Variants in PAM observed in about 807,000 individuals in gnomAD.
PAM encodes the protein peptidyl-glycine alpha-amidating monooxygenase.
In PAM, 72 loss-of-function variants were observed where a neutral mutation model predicts 122.1. That is an observed-to-expected ratio of 0.59 (90% CI 0.49 to 0.72). The LOEUF (loss-of-function observed/expected upper bound fraction) is 0.72, where lower values mean the gene tolerates loss of function less well. PAM is among the 30% of genes least tolerant of loss of function. The probability of loss-of-function intolerance (pLI) is 0.00; values close to 1 mark genes in which losing one functional copy is unlikely to be tolerated. For synonymous variants in PAM, 389 were observed against 404.4 expected (o/e 0.96, Z 0.46); for missense variants, 1,106 against 1,183.7 (o/e 0.93, Z 0.96).
chr5:102,850,111 C>T (rs935820145), intron 1 of PAM, among the ~76,000 whole-genome samples: 5 of 151,982 alleles, frequency 3.3e-5, no homozygotes, highest in African/African-American at 9.7e-5. Context: ...TCCTTGTTCC[C>T]ATTCATTCAC....
At chr5:102,880,260 A>C (rs1790538731) in intron 3 of PAM, among the ~76,000 whole-genome samples, 1 of 152,060 alleles carries the variant, frequency 6.6e-6, no homozygotes, top group Non-Finnish European at 1.5e-5. Flanking sequence ...CAGCCTGGGC[A>C]ACTGAGTGAG....
At chr5:102,942,907 T>C (rs1351992821) in intron 7 of PAM, among the ~76,000 whole-genome samples, 4 of 152,082 alleles carry the variant, frequency 2.6e-5, no homozygotes, top group South Asian at 2.1e-4. Context: ...TCTTTTTGTT[T>C]TTCCTAAGAC....
intron 16 of PAM, among the ~76,000 whole-genome samples, chr5:102,993,765 T>C (rs1774862434): frequency 6.6e-6 from 1 of 152,124 alleles, no homozygotes; most frequent in Non-Finnish European, 1.5e-5. Context: ...TCCTCTCCAT[T>C]TGCAGGTTCA....
chr5:102,925,315 G>A (rs2151724173), intron 6 of PAM, among the ~76,000 whole-genome samples: 1 of 152,278 alleles, frequency 6.6e-6, no homozygotes, highest in South Asian at 2.1e-4. Context: ...TTGACCTAAG[G>A]CACATTGGTT....
chr5:102,766,889 A>C (rs1231016380), intron 1 of PAM, among the ~76,000 whole-genome samples: 3 of 63,266 alleles, frequency 4.7e-5, no homozygotes, highest in Non-Finnish European at 9.9e-5. Context: ...TTTTATGTGG[A>C]CTTTTTGTGT....
intron 1 of PAM, among the ~76,000 whole-genome samples, chr5:102,765,996 A>G (rs1467905874): frequency 2.0e-5 from 3 of 152,142 alleles, no homozygotes; most frequent in East Asian, 3.9e-4. Context: ...CTCAACCCAT[A>G]TCGGCATGAT....
intron 1 of PAM, among the ~76,000 whole-genome samples, chr5:102,759,813 T>C (rs1751793688): frequency 6.6e-6 from 1 of 152,168 alleles, no homozygotes; most frequent in East Asian, 1.9e-4. Flanking sequence ...GTGGGTGACA[T>C]TGAAGACTGA....
chr5:102,985,992 C>G (rs1012614822), intron 15 of PAM, among the ~76,000 whole-genome samples: 9 of 152,122 alleles, frequency 5.9e-5, no homozygotes, highest in Admixed American at 1.3e-4. Context: ...ACCATATGAT[C>G]ATATCAATAG....
At chr5:102,814,961 AC>A (rs1371191287) in intron 1 of PAM, among the ~76,000 whole-genome samples, 3 of 150,960 alleles carry the variant, frequency 2.0e-5, no homozygotes, top group African/African-American at 7.3e-5. Flanking sequence ...ACACACACGC[AC>A]CCCCCATACA....
At chr5:103,017,256 T>C in intron 21 of PAM, 78 bp from the exon 22 acceptor site, 1 of 920,802 alleles carries the variant, frequency 1.1e-6, no homozygotes, top group Non-Finnish European at 1.8e-6. Context: ...TTGTGGGCTT[T>C]GCTTTGTTTT....
chr5:103,017,209 T>C (rs761263814), intron 21 of PAM, 125 bp from the exon 22 acceptor site: 22 of 668,216 alleles, frequency 3.3e-5, no homozygotes, highest in Middle Eastern at 5.1e-4. Context: ...ATAGGAAATA[T>C]TTTGCTTTGG....
At chr5:102,949,788 T>A (rs575342622) in intron 10 of PAM, 114 bp from the exon 11 acceptor site, 2 of 699,858 alleles carry the variant, frequency 2.9e-6, no homozygotes, top group African/African-American at 3.6e-5. Context: ...AGATACTCAG[T>A]CTTTGCAGCT....
chr5:102,935,880 C>T (rs1388446515), intron 7 of PAM, among the ~76,000 whole-genome samples: 2 of 152,082 alleles, frequency 1.3e-5, no homozygotes, highest in East Asian at 1.9e-4. Flanking sequence ...AATGAAAGTT[C>T]CTAGTTCAAA....
chr5:102,854,205 A>T (rs1782039849), intron 1 of PAM, among the ~76,000 whole-genome samples: 1 of 152,252 alleles, frequency 6.6e-6, no homozygotes, highest in East Asian at 1.9e-4. Flanking sequence ...GAAAGTATTT[A>T]AAATGCTGCC....
In PAM at chr5:102,949,615, T is replaced by C. The variant is rs767659383; in HGVS notation, c.722T>C (p.Leu241Ser). 8.1e-6 allele frequency: 11 copies of C among 1,355,734 alleles called. No individual in the cohort carries two copies. Among genetic ancestry groups the C allele is most frequent in the Non-Finnish European group, 1.1e-6 (1 of 945,480 alleles). 84.0% of individuals were successfully genotyped at this position (1,355,734 alleles called of 1,614,324 possible). A position where few individuals can be genotyped will look rare whatever the true frequency, so the allele number is the denominator to read the frequency against. ...GCCTATAGAGTTCACACTCACCATTTAGGTAAGAACTTTACATGTTAAATT... is the reference window on the plus strand; with the variant it reads ...GCCTATAGAGTTCACACTCACCATTCAGGTAAGAACTTTACATGTTAAATT... ...VFAYRVHTHH[L>S]GKVVSGYRVR... is the part of the protein sequence containing the mutation. Residue 241 changes from leucine to serine, a missense_variant and splice_region_variant, in exon 10 of 26, where the codon TTA becomes TCA. Coordinates refer to ENST00000438793, the MANE Select transcript of PAM (RefSeq NM_001177306.2).
At chr5:102,814,084 T>C (rs1383237145) in intron 1 of PAM, among the ~76,000 whole-genome samples, 1 of 152,208 alleles carries the variant, frequency 6.6e-6, no homozygotes, top group East Asian at 1.9e-4. Flanking sequence ...GAAATAGAAC[T>C]GTTCCCGTGT....
At chr5:102,876,215 T>C (rs558188095) in intron 3 of PAM, among the ~76,000 whole-genome samples, 30 of 152,248 alleles carry the variant, frequency 2.0e-4, no homozygotes, top group African/African-American at 7.2e-4. Flanking sequence ...CTTCCAAATA[T>C]CTTCCAAATT....
chr5:102,880,332 A>C (rs1369586043), intron 3 of PAM, among the ~76,000 whole-genome samples: 1 of 152,176 alleles, frequency 6.6e-6, no homozygotes, highest in Non-Finnish European at 1.5e-5. Context: ...AGTAAATATA[A>C]TCTAACATAT....
intron 3 of PAM, among the ~76,000 whole-genome samples, chr5:102,898,314 C>T (rs1038750141): frequency 6.6e-6 from 1 of 151,316 alleles, no homozygotes; most frequent in African/African-American, 2.4e-5. Flanking sequence ...CAGACAGTCC[C>T]CTGGCACCAA....
Sources: gnomAD v4.1 joint callset for allele counts (sites outside exome capture counted in the v4.1 genomes callset) on GRCh38, gnomAD v4.1.1 for gene constraint, MANE v1.5 for transcripts, NCBI Gene and HGNC (gene_info 2026-07-23, HGNC 2026-07-21) for gene names.